The following MATN2 variants were observed in gnomAD, a reference collection of about 807,000 sequenced individuals.
The protein encoded by MATN2 is matrilin-2.
In MATN2, 69 loss-of-function variants were observed where a neutral mutation model predicts 103.2. That is an observed-to-expected ratio of 0.67 (90% confidence interval 0.55 to 0.82). The LOEUF (loss-of-function observed/expected upper bound fraction) is 0.82. Ranked by LOEUF, MATN2 falls within the 40% of genes least tolerant of loss-of-function variation. The pLI is 0.00. For missense variants in MATN2, 1,023 were observed against 1,211.5 expected, an observed-to-expected ratio of 0.84 and a Z score of 2.31; for synonymous variants, 429 against 450.2, an observed-to-expected ratio of 0.95 and a Z score of 0.60.
At chr8:97,902,122 C>T (rs971578745) in intron 2 of MATN2, among the ~76,000 whole-genome samples, 3 of 151,268 alleles carry the variant, frequency 2.0e-5, no homozygotes, top group African/African-American at 7.3e-5. Context: ...CTCAGCCTCC[C>T]AAAGTGCTGG....
chr8:97,989,882 T>A (rs1265259947), intron 6 of MATN2, among the ~76,000 whole-genome samples: 4 of 151,848 alleles, frequency 2.6e-5, no homozygotes, highest in South Asian at 2.1e-4. Flanking sequence ...ATATGAAATT[T>A]AAAAAAATAC....
chr8:98,026,358 C>T lies in MATN2; in HGVS notation c.1943-1058C>T, dbSNP rs540149932. On this transcript the variant is annotated intron_variant, in intron 13 of 18. Transcript: ENST00000254898. ...TACTGCAACCTGTAATTCTTGGGCT[C>T]CGGTAATCTTTCTGCCTCAGCCTCC... Among the ~76,000 whole-genome samples, 22 of 151,556 alleles carry T rather than the reference C, an allele frequency of 1.5e-4. 2 individuals carry two copies. The South Asian group carries it at 4.6e-3, about 32-fold the overall frequency.
At chr8:97,870,180 T>A (rs1320215450) in intron 1 of MATN2, among the ~76,000 whole-genome samples, 2 of 152,102 alleles carry the variant, frequency 1.3e-5, no homozygotes, top group African/African-American at 4.8e-5. Flanking sequence ...AGTTTCCTCA[T>A]CTGTCTAATG....
At chr8:97,888,704 A>G (rs1239459488) in intron 2 of MATN2, among the ~76,000 whole-genome samples, 3 of 152,210 alleles carry the variant, frequency 2.0e-5, no homozygotes, top group East Asian at 3.8e-4. Flanking sequence ...GGGTCTATTC[A>G]TCTGATCCAG....
chr8:97,874,406 CT>C (rs1554596747), intron 1 of MATN2, among the ~76,000 whole-genome samples: 18 of 136,106 alleles, frequency 1.3e-4, no homozygotes, highest in African/African-American at 2.4e-4. Flanking sequence ...TCTTCTTCTT[CT>C]TTTTTTTTTT....
rs1382433896 is a variant in MATN2 at position 98,010,774 on chromosome 8, C to A, written c.1573+3173C>A. 2.0e-5 allele frequency among the ~76,000 whole-genome samples: 3 copies of A among 152,266 alleles called. No individual in the cohort carries two copies. In the East Asian group the frequency reaches 5.8e-4, roughly 30 times the overall value. ...CCTCCCTTCTGCAAGCGGAGGACAC[C>A]AACGGGGATCAGAGCCGTCAGCCTA... On this transcript the variant is annotated intron_variant, in intron 10 of 18. Transcript: ENST00000254898.
intron 7 of MATN2, among the ~76,000 whole-genome samples, chr8:98,003,053 C>T (rs969644809): frequency 3.4e-4 from 51 of 152,058 alleles, no homozygotes; most frequent in African/African-American, 1.2e-3. Flanking sequence ...CAGGCATGCC[C>T]CTCGCCCTCA....
chr8:97,971,448 A>G (rs1321658818), intron 5 of MATN2, among the ~76,000 whole-genome samples: 1 of 152,166 alleles, frequency 6.6e-6, no homozygotes, highest in Non-Finnish European at 1.5e-5. Flanking sequence ...ACTCCCTGAC[A>G]GCTCATTTCA....
intron 7 of MATN2, 22 bp downstream of exon 7, chr8:97,994,624 A>G (rs767636248): frequency 2.5e-6 from 4 of 1,605,544 alleles, no homozygotes; most frequent in Non-Finnish European, 3.4e-6. Context: ...TGGGAGTTGG[A>G]GAAGGGCTTG....
intron 15 of MATN2, chr8:98,031,454 C>CCAGCATGCTTCATCCTCACAA (rs1814017224): frequency 6.6e-6 from 1 of 152,138 alleles, no homozygotes; most frequent in Non-Finnish European, 1.5e-5. Flanking sequence ...TTTTGACACA[C>CCAGCATGCTTCATCCTCACAA]CAGCATGCTT....
At chr8:97,962,237 GA>G (rs1811339538) in intron 5 of MATN2, among the ~76,000 whole-genome samples, 1 of 152,214 alleles carries the variant, frequency 6.6e-6, no homozygotes, top group African/African-American at 2.4e-5. Flanking sequence ...TTATGAGGCA[GA>G]AAATCTAGAA....
In MATN2 at chr8:97,931,622, C is replaced by T; in HGVS notation, c.712+100C>T. On this transcript the variant is annotated intron_variant, in intron 3 of 18. Coordinates refer to ENST00000254898, the MANE Select transcript of MATN2 (RefSeq NM_002380.5). This position sits in a 1 kb window ranked among gnomAD's most constrained non-coding sequence, Gnocchi z 4.1. Reference sequence around the variant, plus strand: ...GTGTTACTATGTCCCAGGTACTGTGCTGGCAATAGGTTTTCAACAAAGGCC... The same window carrying T: ...GTGTTACTATGTCCCAGGTACTGTGTTGGCAATAGGTTTTCAACAAAGGCC... 2 of 1,192,404 alleles carry T rather than the reference C, an allele frequency of 1.7e-6. No homozygotes were observed. Among genetic ancestry groups the T allele is most frequent in the Middle Eastern group, 4.5e-4 (2 of 4,488 alleles). 73.9% of individuals were successfully genotyped at this position (1,192,404 alleles called of 1,614,324 possible). A position where few individuals can be genotyped will look rare whatever the true frequency, so the allele number is the denominator to read the frequency against.
At chr8:97,975,953 C>CTTTTTTTTTTTTTTTTTTTTTTTTT (rs1563702112) in intron 5 of MATN2, among the ~76,000 whole-genome samples, 2 of 152,138 alleles carry the variant, frequency 1.3e-5, no homozygotes, top group Non-Finnish European at 2.9e-5. Context: ...CTAGCTCAGT[C>CTTTTTTTTTTTTTTTTTTTTTTTTT]TTTATGTTAT....
intron 4 of MATN2, among the ~76,000 whole-genome samples, chr8:97,960,918 G>A (rs1003641399): frequency 1.3e-5 from 2 of 152,126 alleles, no homozygotes; most frequent in Non-Finnish European, 2.9e-5. Flanking sequence ...GAGTTCAAGC[G>A]ATTCTCCTGC....
intron 13 of MATN2, chr8:98,025,793 T>C: frequency 2.3e-6 from 1 of 426,390 alleles, no homozygotes; most frequent in South Asian, 1.7e-5. Context: ...TGTCCATTTT[T>C]CTTTTGCAGT....
At chr8:98,010,777 C>T (rs911332581) in intron 10 of MATN2, among the ~76,000 whole-genome samples, 6 of 152,132 alleles carry the variant, frequency 3.9e-5, no homozygotes, top group East Asian at 1.9e-4. Flanking sequence ...AGGACACCAA[C>T]GGGGATCAGA....
chr8:97,959,977 T>C (rs1253017241), intron 4 of MATN2, among the ~76,000 whole-genome samples: 2 of 152,186 alleles, frequency 1.3e-5, no homozygotes, highest in South Asian at 4.1e-4. Context: ...TTTGAGACAG[T>C]CTTGTTCTGT....
intron 15 of MATN2, among the ~76,000 whole-genome samples, chr8:98,030,929 C>A (rs1263635672): frequency 6.6e-6 from 1 of 152,138 alleles, no homozygotes; most frequent in Non-Finnish European, 1.5e-5. Flanking sequence ...TCCCAAAGTG[C>A]TGGGATTACA....
At chr8:97,963,066 C>T (rs1255720597) in intron 5 of MATN2, among the ~76,000 whole-genome samples, 8 of 152,138 alleles carry the variant, frequency 5.3e-5, no homozygotes, top group Admixed American at 1.3e-4. Flanking sequence ...CCCTGGGAGG[C>T]GGATTTTGCA....
Sources: allele counts gnomAD v4.1 joint callset (sites outside exome capture counted in the v4.1 genomes callset), GRCh38; gene constraint gnomAD v4.1.1; non-coding constraint Gnocchi (gnomAD v3.1); transcripts MANE v1.5; gene names NCBI Gene and HGNC (gene_info 2026-07-23, HGNC 2026-07-21).